Variants in WWOX observed in about 807,000 individuals in gnomAD.
WWOX encodes the protein WW domain-containing oxidoreductase.
In WWOX, 69 loss-of-function variants were observed where a neutral mutation model predicts 46.2. The ratio of observed to expected loss-of-function variants is 1.49; its 90% CI spans 1.23 to 1.82. The LOEUF is 1.82. Ranked by LOEUF, WWOX falls within the 40% of genes most tolerant of loss-of-function variation. The pLI, the probability that WWOX is intolerant of heterozygous loss-of-function variation, is 0.00. For missense variants in WWOX, 919 were observed against 542.6 expected (o/e 1.69, Z -6.89); for synonymous variants, 359 against 202.6 (o/e 1.77, Z -6.56).
At chr16:78,799,008 A>G (rs2050816325) in intron 8 of WWOX, among the ~76,000 whole-genome samples, 1 of 152,120 alleles carries the variant, frequency 6.6e-6, no homozygotes, top group Non-Finnish European at 1.5e-5. Flanking sequence ...TGTGAGCAAA[A>G]TGCTTTTCCG....
At chr16:78,780,789 A>G (rs1351368181) in intron 8 of WWOX, among the ~76,000 whole-genome samples, 5 of 152,136 alleles carry the variant, frequency 3.3e-5, no homozygotes, top group African/African-American at 1.2e-4. Context: ...CTAGCATAGG[A>G]TGGGATAGGG....
At chr16:78,424,144 G>C (rs1224673329) in intron 6 of WWOX, among the ~76,000 whole-genome samples, 1 of 124,002 alleles carries the variant, frequency 8.1e-6, no homozygotes, top group Non-Finnish European at 1.6e-5. Flanking sequence ...TGGAGATAGA[G>C]TCTTGCTCTG....
chr16:78,157,227 G>C (rs1239257406), intron 4 of WWOX, among the ~76,000 whole-genome samples: 2 of 152,150 alleles, frequency 1.3e-5, no homozygotes, highest in African/African-American at 4.8e-5. Context: ...AGTTGTGTTT[G>C]GTCACTGTGT....
At chr16:78,832,960 A>G (rs374942580) in intron 8 of WWOX, among the ~76,000 whole-genome samples, 4 of 151,576 alleles carry the variant, frequency 2.6e-5, no homozygotes, top group East Asian at 1.9e-4. Flanking sequence ...ACAATGTGCT[A>G]TGTCCCCATT....
At chr16:79,078,687 G>C (rs887706194) in intron 8 of WWOX, among the ~76,000 whole-genome samples, 4 of 152,184 alleles carry the variant, frequency 2.6e-5, no homozygotes, top group African/African-American at 9.6e-5. Context: ...GTGTTTAAAG[G>C]ACTTGATGGA....
chr16:78,287,765 A>G (rs1027787937), intron 5 of WWOX, among the ~76,000 whole-genome samples: 9 of 152,174 alleles, frequency 5.9e-5, no homozygotes, highest in Non-Finnish European at 8.8e-5. Context: ...TGGTACTTTC[A>G]CTAGGCTTCT....
intron 8 of WWOX, among the ~76,000 whole-genome samples, chr16:78,458,396 G>A (rs1172212855): frequency 6.6e-6 from 1 of 151,714 alleles, no homozygotes; most frequent in African/African-American, 2.4e-5. Context: ...AAGTAGCTGG[G>A]ACTATTGGCA....
chr16:78,310,782 C>A (rs986609401), intron 5 of WWOX, among the ~76,000 whole-genome samples: 1 of 152,180 alleles, frequency 6.6e-6, no homozygotes, highest in African/African-American at 2.4e-5. Flanking sequence ...TGTGTCAGCC[C>A]ATTTTCATCT....
chr16:78,743,612 G>C (rs1482720816), intron 8 of WWOX, among the ~76,000 whole-genome samples: 1 of 152,124 alleles, frequency 6.6e-6, no homozygotes, highest in Non-Finnish European at 1.5e-5. Context: ...TACTCCCTCT[G>C]CAACCCCTCC....
At chr16:78,931,332 T>A (rs917663897) in intron 8 of WWOX, among the ~76,000 whole-genome samples, 2 of 152,130 alleles carry the variant, frequency 1.3e-5, no homozygotes, top group Non-Finnish European at 2.9e-5. Flanking sequence ...TCTTCTTCTC[T>A]TTGGAGACTG....
chr16:78,428,390 T>C (rs571081322), intron 7 of WWOX, among the ~76,000 whole-genome samples: 1 of 152,316 alleles, frequency 6.6e-6, no homozygotes, highest in South Asian at 2.1e-4. Flanking sequence ...CCTGGAGGAC[T>C]GTCAGTGCTA....
At chr16:78,528,429 G>C (rs570115042) in intron 8 of WWOX, among the ~76,000 whole-genome samples, 4 of 151,904 alleles carry the variant, frequency 2.6e-5, no homozygotes, top group East Asian at 1.9e-4. Context: ...AAAGTGGCTC[G>C]TATTCAAGGT....
In WWOX at chr16:78,673,176, G is replaced by A. The variant is rs1191320952; in HGVS notation, c.1056+240424G>A. ...TCATTCTCATTCACGGGAGGCTGCG[G>A]CCCTGTGAGGTGAGATCAGTAGAAG... On this transcript the variant is annotated intron_variant, in intron 8 of 8. Coordinates refer to ENST00000566780, the MANE Select transcript of WWOX (RefSeq NM_016373.4). Among the ~76,000 whole-genome samples, 3 of 152,328 alleles carry A rather than the reference G, an allele frequency of 2.0e-5. No homozygotes were observed. In the East Asian group the frequency reaches 5.8e-4, roughly 29 times the overall value.
At position 78,540,353 on chromosome 16, in the gene WWOX, A is replaced by G. The variant is rs193104437; in HGVS notation, c.1056+107601A>G. ...TTGATTCTGAGCTTTGGTTCTACAC[A>G]TTAGAATTGTTGCCTGGGCCTGGAT... On this transcript the variant is annotated intron_variant, in intron 8 of 8. Transcript: ENST00000566780. Among the ~76,000 whole-genome samples the G allele has an allele frequency of 1.6e-4, 25 of 152,130 alleles. 2 individuals are homozygous for G. The East Asian group carries it at 4.8e-3, about 29-fold the overall frequency.
intron 8 of WWOX, among the ~76,000 whole-genome samples, chr16:79,154,517 AAAAG>A (rs201599801): frequency 8.9e-4 from 135 of 151,774 alleles, no homozygotes; most frequent in East Asian, 5.4e-3. Context: ...AAAAAAAAAA[AAAAG>A]AGGTGAATTT....
intron 8 of WWOX, among the ~76,000 whole-genome samples, chr16:78,560,362 G>T (rs908178276): frequency 2.0e-5 from 3 of 152,324 alleles, no homozygotes; most frequent in African/African-American, 7.2e-5. Flanking sequence ...AACATTAGTG[G>T]CCAGGTGCGG....
At chr16:79,205,142 A>G (rs887729922) in intron 8 of WWOX, 1 of 152,232 alleles carries the variant, frequency 6.6e-6, no homozygotes, top group Admixed American at 6.5e-5. Flanking sequence ...CCTGTCATTT[A>G]AAAGCTGCAT....
chr16:78,522,821 C>CA (rs1567620602), intron 8 of WWOX, among the ~76,000 whole-genome samples: 4 of 152,164 alleles, frequency 2.6e-5, no homozygotes, highest in Non-Finnish European at 5.9e-5. Flanking sequence ...CCTGTAATCA[C>CA]GGCACTTTGG....
intron 8 of WWOX, among the ~76,000 whole-genome samples, chr16:78,912,851 C>G (rs931600011): frequency 6.6e-6 from 1 of 151,908 alleles, no homozygotes; most frequent in Non-Finnish European, 1.5e-5. Flanking sequence ...GACGTATTAT[C>G]ATTGGTTAGA....
Sources: allele counts gnomAD v4.1 joint callset (sites outside exome capture counted in the v4.1 genomes callset), GRCh38; gene constraint gnomAD v4.1.1; transcripts MANE v1.5; gene names NCBI Gene and HGNC (gene_info 2026-07-23, HGNC 2026-07-21).